The following ESR2 variants were observed in gnomAD, a reference collection of about 807,000 sequenced individuals.
ESR2 encodes estrogen receptor beta.
Under a neutral mutation model 49.6 loss-of-function variants are expected in ESR2, and 36 were observed. That is an observed-to-expected ratio of 0.73 (90% CI 0.56 to 0.96). The LOEUF is 0.96. ESR2 is among the 40% of genes least tolerant of loss of function. ESR2 has a pLI of 0.00. For missense variants in ESR2, 714 were observed against 693.0 expected (o/e 1.03, Z -0.34); for synonymous variants, 320 against 266.1 (o/e 1.20, Z -1.97).
chr14:64,272,279 C>T (rs1471810964), intron 3 of ESR2, among the ~76,000 whole-genome samples: 3 of 152,046 alleles, frequency 2.0e-5, no homozygotes, highest in Non-Finnish European at 4.4e-5. Context: ...GTTTGAGCTC[C>T]TTCTATATTC....
rs1205619014 is a variant in ESR2, at chr14:64,236,009, ATAAAT to A, written c.1226-864_1226-860del. Among the ~76,000 whole-genome samples, 12 of 152,358 alleles carry A rather than the reference ATAAAT, an allele frequency of 7.9e-5. No individual in the cohort carries two copies. The East Asian group carries it at 2.3e-3, about 29-fold the overall frequency. ...CCAGGCTTTCCATTTCAAAGCAAGA[ATAAAT>A]ATGTGAAATCAACCAGGGAGCTGCT... On this transcript the variant is annotated intron_variant, in intron 7 of 8. Coordinates refer to ENST00000341099, the MANE Select transcript of ESR2 (RefSeq NM_001437.3).
At chr14:64,245,339 CCA>C (rs1400171012) in intron 7 of ESR2, among the ~76,000 whole-genome samples, 1 of 151,660 alleles carries the variant, frequency 6.6e-6, no homozygotes, top group Non-Finnish European at 1.5e-5. Flanking sequence ...TGGTGAAACC[CCA>C]TCTCTACTAA....
At chr14:64,286,045 A>G (rs567293013) in intron 1 of ESR2, among the ~76,000 whole-genome samples, 3 of 152,256 alleles carry the variant, frequency 2.0e-5, no homozygotes, top group South Asian at 4.1e-4. Context: ...TGCTGAGAAA[A>G]GGGACTTCAA....
At chr14:64,263,933 C>T (rs903505389) in intron 4 of ESR2, among the ~76,000 whole-genome samples, 3 of 152,116 alleles carry the variant, frequency 2.0e-5, no homozygotes, top group African/African-American at 7.2e-5. Context: ...AGATCATATT[C>T]TCTGACGATA....
chr14:64,325,474 AG>A (rs1440640627), intron 1 of ESR2, among the ~76,000 whole-genome samples: 1 of 152,158 alleles, frequency 6.6e-6, no homozygotes, highest in Non-Finnish European at 1.5e-5. Context: ...CAGGAGAAAA[AG>A]GTTTAGGATG....
intron 6 of ESR2, among the ~76,000 whole-genome samples, chr14:64,254,689 C>A (rs996466451): frequency 1.3e-5 from 2 of 151,936 alleles, no homozygotes; most frequent in African/African-American, 4.8e-5. Context: ...GCTTGGGAGG[C>A]GGAGATTGCA....
chr14:64,306,517 T>C (rs1392249926), intron 1 of ESR2, among the ~76,000 whole-genome samples: 1 of 152,256 alleles, frequency 6.6e-6, no homozygotes, highest in Admixed American at 6.5e-5. Flanking sequence ...TTAGATTTTG[T>C]CAAACACTTT....
Position 64,228,661 on chromosome 14 carries a change from A to C in ESR2, c.*4476T>G, listed in dbSNP as rs1411242260. On this transcript the variant is annotated 3_prime_UTR_variant, in exon 9 of 9. Coordinates refer to ENST00000341099, the MANE Select transcript of ESR2 (RefSeq NM_001437.3). ...CCCAACAGAGGAAACAAATGCAAAAACATCCATTGTACAGTTAACAGGAAC... is the reference window on the plus strand; with the variant it reads ...CCCAACAGAGGAAACAAATGCAAAACCATCCATTGTACAGTTAACAGGAAC... 6.6e-6 allele frequency among the ~76,000 whole-genome samples: 1 copy of C among 152,210 alleles called. No individual in the cohort carries two copies. Among genetic ancestry groups the C allele is most frequent in the Non-Finnish European group, 1.5e-5 (1 of 68,036 alleles).
intron 4 of ESR2, among the ~76,000 whole-genome samples, chr14:64,268,410 T>C (rs2076374891): frequency 1.3e-5 from 2 of 152,198 alleles, no homozygotes; most frequent in South Asian, 2.1e-4. Flanking sequence ...GTTTTAACCA[T>C]GGACATTTAC....
At chr14:64,327,961 C>G (rs770250734) in intron 1 of ESR2, among the ~76,000 whole-genome samples, 2 of 150,324 alleles carry the variant, frequency 1.3e-5, no homozygotes, top group Admixed American at 1.3e-4. Flanking sequence ...AATCCCAGCA[C>G]TTTGGAAGGG....
intron 1 of ESR2, among the ~76,000 whole-genome samples, chr14:64,314,888 A>G (rs1241303110): frequency 1.3e-5 from 2 of 149,738 alleles, no homozygotes; most frequent in Non-Finnish European, 3.0e-5. Context: ...AAAAAAAAAA[A>G]AAAAAAAAAA....
Position 64,282,888 on chromosome 14 carries a change from G to A in ESR2, c.98C>T (p.Pro33Leu). 6.2e-7 allele frequency: 1 copy of A among 1,614,196 alleles called. No homozygotes were observed. Among genetic ancestry groups the A allele is most frequent in the Non-Finnish European group, 8.5e-7 (1 of 1,180,004 alleles). ...LPLEHGSIYIPSSYVDSHHEY... is the reference protein window; with the variant it reads ...LPLEHGSIYILSSYVDSHHEY... ...ATGGTGGCTGTCTACATAGGAGGAA[G>A]GTATGTATATGGAGCCGTGCTCCAG... is the stretch of plus-strand genomic sequence containing the variant. Residue 33 changes from proline (P) to leucine (L), a missense_variant, in exon 2 of 9, where the codon CCT (proline) becomes CTT (leucine). By Grantham distance (98) the Pro-to-Leu change is moderately conservative (BLOSUM62 -3). Coordinates refer to ENST00000341099, the MANE Select transcript of ESR2 (RefSeq NM_001437.3).
intron 1 of ESR2, among the ~76,000 whole-genome samples, chr14:64,287,701 ACCT>A (rs1323692318): frequency 2.0e-5 from 3 of 152,108 alleles, no homozygotes; most frequent in African/African-American, 7.2e-5. Context: ...GCAAAAAAAG[ACCT>A]CCTTTCTACC....
At chr14:64,272,108 T>C (rs989388466) in intron 3 of ESR2, among the ~76,000 whole-genome samples, 2 of 152,240 alleles carry the variant, frequency 1.3e-5, no homozygotes, top group Non-Finnish European at 2.9e-5. Context: ...TGGGGTAAGA[T>C]GGTATCTCAT....
intron 1 of ESR2, among the ~76,000 whole-genome samples, chr14:64,286,529 C>T (rs1236684968): frequency 4.6e-5 from 7 of 151,066 alleles, no homozygotes; most frequent in Admixed American, 6.6e-5. Flanking sequence ...CTTGAACTTC[C>T]GACCTCAAAT....
In ESR2 at chr14:64,311,645, A is replaced by G. The variant is rs1030532900; in HGVS notation, c.-91+26253T>C. Among the ~76,000 whole-genome samples, 20 of 105,108 alleles carry G rather than the reference A, an allele frequency of 1.9e-4. 1 individual carries two copies. The highest frequency in any genetic ancestry group is 1.8e-3 in the South Asian group (7 of 3,884). The allele number at this position is 105,108 out of a possible 152,430, so 69.0% of individuals were successfully genotyped here. The stretch of plus-strand genomic sequence containing the variant: ...GTGACAGAGGGAGACTCCATCTCAG[A>G]AAAAAAAAAAAAAAAAAAATTAGCC... On this transcript the variant is annotated intron_variant, in intron 1 of 8. Transcript: ENST00000358599.
At chr14:64,286,960 G>T (rs774943470) in intron 1 of ESR2, among the ~76,000 whole-genome samples, 82 of 150,448 alleles carry the variant, frequency 5.5e-4, no homozygotes, top group Non-Finnish European at 1.1e-3. Flanking sequence ...CAAGTGATCT[G>T]CCCGCCTTAG....
intron 3 of ESR2, among the ~76,000 whole-genome samples, chr14:64,269,569 T>C (rs1178813629): frequency 6.6e-6 from 1 of 152,168 alleles, no homozygotes; most frequent in Non-Finnish European, 1.5e-5. Flanking sequence ...TCAATAGATG[T>C]GCTGCTCCAA....
rs114613335 is a variant in ESR2 at position 64,331,637 on chromosome 14, C to T, written c.-91+6261G>A. 2.7e-3 allele frequency among the ~76,000 whole-genome samples: 414 copies of T among 151,974 alleles called. 5 individuals carry two copies. Among genetic ancestry groups the T allele is most frequent in the African/African-American group, 9.7e-3 (402 of 41,440 alleles). Reference sequence around the variant, plus strand: ...GTCAGGAGTTCGAGACTGGCCTGACCAACATGGTGACATCCTTTCTCTACT... The same window carrying T: ...GTCAGGAGTTCGAGACTGGCCTGACTAACATGGTGACATCCTTTCTCTACT... On this transcript the variant is annotated intron_variant, in intron 1 of 8. Coordinates refer to the ESR2 transcript ENST00000358599.
Sources: allele counts gnomAD v4.1 joint callset (sites outside exome capture counted in the v4.1 genomes callset), GRCh38; gene constraint gnomAD v4.1.1; transcripts MANE v1.5; gene names NCBI Gene and HGNC (gene_info 2026-07-23, HGNC 2026-07-21).